Variants in ZMYM2 observed in about 807,000 individuals in gnomAD.
ZMYM2 encodes zinc finger MYM-type protein 2.
ZMYM2 carries 56 observed loss-of-function variants against 162.8 expected under a neutral mutation model. That is an observed-to-expected ratio of 0.34 (90% confidence interval 0.28 to 0.43). ZMYM2 has a LOEUF of 0.43. Among genes scored for constraint, ZMYM2 ranks in the 20% least tolerant of loss-of-function variants. ZMYM2 has a pLI of 1.00. For synonymous variants in ZMYM2, 510 were observed against 541.6 expected (o/e 0.94, Z 0.81); for missense variants, 1,275 against 1,621.8 (o/e 0.79, Z 3.67).
chr13:19,920,148 T>C, the ZMYM2 span, among the ~76,000 whole-genome samples: 1 of 152,172 alleles, frequency 6.6e-6, no homozygotes, highest in Non-Finnish European at 1.5e-5. Context: ...GTAGGCATCA[T>C]GTATTTATGA....
intron 16 of ZMYM2, 83 bp downstream of exon 16, chr13:20,059,645 A>G (rs1037902035): frequency 2.2e-5 from 16 of 734,152 alleles, no homozygotes; most frequent in Non-Finnish European, 3.2e-5. Flanking sequence ...CCCTTGAACA[A>G]CAAGAGTTTG....
intron 3 of ZMYM2, among the ~76,000 whole-genome samples, chr13:19,999,036 A>G (rs563634523): frequency 2.0e-5 from 3 of 152,318 alleles, no homozygotes; most frequent in African/African-American, 7.2e-5. Context: ...GCAGAACAGC[A>G]ACTAGTGCAG....
Position 20,032,899 on chromosome 13 carries a change from G to A in ZMYM2, c.1969-1355G>A, listed in dbSNP as rs945947556. On this transcript the variant is annotated intron_variant, in intron 10 of 24. Transcript: ENST00000610343. ...GCTGGGATCACAGGCGTGAGCCACC[G>A]CACCCAGCCTGGATTACATGATTTC... is the stretch of plus-strand genomic sequence containing the variant. Among the ~76,000 whole-genome samples the A allele has an allele frequency of 1.7e-4, 26 of 151,956 alleles. 2 individuals carry two copies. The highest frequency in any genetic ancestry group is 7.4e-5 in the Non-Finnish European group (5 of 67,966).
chr13:19,954,302 G>A (rs1227197467), upstream of ZMYM2, among the ~76,000 whole-genome samples: 1 of 151,148 alleles, frequency 6.6e-6, no homozygotes, highest in Middle Eastern at 3.2e-3. Flanking sequence ...CTAATTTTTT[G>A]TATTTTTAGT....
the ZMYM2 span, among the ~76,000 whole-genome samples, chr13:19,940,466 G>C: frequency 6.6e-6 from 1 of 152,140 alleles, no homozygotes; most frequent in African/African-American, 2.4e-5. Flanking sequence ...CTACAAATTG[G>C]TAACTGCCAC....
chr13:19,872,603 A>G, the ZMYM2 span, among the ~76,000 whole-genome samples: 2 of 152,134 alleles, frequency 1.3e-5, no homozygotes, highest in Non-Finnish European at 2.9e-5. Flanking sequence ...CAAAGGAGAA[A>G]TTTCAAACTT....
rs572153827 is a variant in ZMYM2, at chr13:20,052,283, G to T, written c.2465G>T (p.Gly822Val). The change falls in exon 14 of 25, where the codon GGT becomes GTT. Residue 822 changes from glycine (G) to valine (V), a missense_variant. Coordinates refer to ENST00000610343, the MANE Select transcript of ZMYM2 (RefSeq NM_197968.4). ...KGPENLHYDQGCQTSRTKMTG... is the reference protein window; with the variant it reads ...KGPENLHYDQVCQTSRTKMTG... ...ATTTTTTTGTGTTTTTTAGATCAGG[G>T]TTGTCAGACATCTCGAACCAAAATG... 15 of 1,565,890 alleles carry T rather than the reference G, an allele frequency of 9.6e-6. No individual in the cohort carries two copies. In the Admixed American group the frequency reaches 1.5e-4, roughly 16 times the overall value.
the ZMYM2 span, among the ~76,000 whole-genome samples, chr13:19,884,580 A>G: frequency 2.0e-5 from 3 of 151,376 alleles, no homozygotes; most frequent in Non-Finnish European, 4.4e-5. Flanking sequence ...TATCAAAAAG[A>G]AAAAAAAAGC....
chr13:19,899,253 A>G, the ZMYM2 span, among the ~76,000 whole-genome samples: 1 of 151,952 alleles, frequency 6.6e-6, no homozygotes, highest in South Asian at 2.1e-4. Flanking sequence ...GCCTGGTGCA[A>G]GACCCCACTT....
chr13:19,921,564 A>C, the ZMYM2 span, among the ~76,000 whole-genome samples: 1 of 152,060 alleles, frequency 6.6e-6, no homozygotes, highest in Non-Finnish European at 1.5e-5. Flanking sequence ...ATGCTTTTTA[A>C]ATTTTGTCGT....
At position 20,086,137 on chromosome 13, in the gene ZMYM2, C is replaced by T. The variant is rs1728933321; in HGVS notation, c.*123C>T. The T allele has an allele frequency of 1.4e-5, 13 of 903,270 alleles. No individual in the cohort carries two copies. The highest frequency in any genetic ancestry group is 3.9e-5 in the South Asian group (2 of 51,440). 56.0% of individuals were successfully genotyped at this position (903,270 alleles called of 1,614,324 possible). ...TTTGAGTTTTGTAGCAGTGTACCCA[C>T]GCTGGGTATTACCATGTAAATAATC... On this transcript the variant is annotated 3_prime_UTR_variant, in exon 25 of 25. Coordinates refer to ENST00000610343, the MANE Select transcript of ZMYM2 (RefSeq NM_197968.4).
the ZMYM2 span, among the ~76,000 whole-genome samples, chr13:19,919,997 C>T: frequency 6.6e-6 from 1 of 152,088 alleles, no homozygotes; most frequent in Non-Finnish European, 1.5e-5. Flanking sequence ...TTTGTAGGGA[C>T]TGGATCCTGC....
chr13:19,885,828 CA>C, the ZMYM2 span, among the ~76,000 whole-genome samples: 242 of 127,836 alleles, frequency 1.9e-3, 2 homozygotes, highest in African/African-American at 6.8e-3. Context: ...GCCTGGGCAA[CA>C]AGAGTGAAAC....
At chr13:19,952,526 A>G in the ZMYM2 span, among the ~76,000 whole-genome samples, 3 of 152,226 alleles carry the variant, frequency 2.0e-5, no homozygotes, top group African/African-American at 7.2e-5. Flanking sequence ...GCCAATTAAA[A>G]TAAATACATT....
the ZMYM2 span, among the ~76,000 whole-genome samples, chr13:19,876,227 A>T: frequency 3.3e-5 from 5 of 152,042 alleles, no homozygotes; most frequent in Non-Finnish European, 7.4e-5. Context: ...AGGTTTCACC[A>T]TGTTGGCCAG....
the ZMYM2 span, among the ~76,000 whole-genome samples, chr13:19,904,694 A>G: frequency 6.6e-6 from 1 of 152,166 alleles, no homozygotes; most frequent in Non-Finnish European, 1.5e-5. Context: ...TTGGCAAACA[A>G]ACATCTGGAT....
intron 14 of ZMYM2, among the ~76,000 whole-genome samples, chr13:20,052,532 C>T (rs918168955): frequency 2.0e-5 from 3 of 151,248 alleles, no homozygotes; most frequent in East Asian, 1.9e-4. Flanking sequence ...CACAATGGGG[C>T]GATAGACATA....
the ZMYM2 span, among the ~76,000 whole-genome samples, chr13:19,950,913 G>A: frequency 6.6e-6 from 1 of 152,226 alleles, no homozygotes; most frequent in Non-Finnish European, 1.5e-5. Context: ...AAGCAAGCTT[G>A]TCCAACCAGT....
At chr13:19,883,483 G>A in the ZMYM2 span, among the ~76,000 whole-genome samples, 20 of 152,252 alleles carry the variant, frequency 1.3e-4, no homozygotes, top group African/African-American at 4.8e-4. Flanking sequence ...ATTAGACAAC[G>A]TGTAAAATAA....
Sources: gnomAD v4.1 joint callset for allele counts (sites outside exome capture counted in the v4.1 genomes callset) on GRCh38, gnomAD v4.1.1 for gene constraint, MANE v1.5 for transcripts, NCBI Gene and HGNC (gene_info 2026-07-23, HGNC 2026-07-21) for gene names.